The following ASCC3 variants were observed in gnomAD, a reference collection of about 807,000 sequenced individuals.
ASCC3 encodes the protein activating signal cointegrator 1 complex subunit 3.
ASCC3 carries 158 observed loss-of-function variants against 256.3 expected under a neutral mutation model. The observed-to-expected ratio is 0.62, with a 90% confidence interval of 0.54 to 0.70. The LOEUF (loss-of-function observed/expected upper bound fraction) is 0.70. ASCC3 is among the 30% of genes least tolerant of loss of function. The pLI, the probability that ASCC3 is intolerant of heterozygous loss-of-function variation, is 0.00. For synonymous variants in ASCC3, 948 were observed against 883.4 expected (o/e 1.07, Z -1.30); for missense variants, 2,259 against 2,626.0 (o/e 0.86, Z 3.05).
In ASCC3 at chr6:100,822,610, A is replaced by AGTG. The variant is rs556460984; in HGVS notation, c.802-16733_802-16731dup. 4.6e-5 allele frequency among the ~76,000 whole-genome samples: 7 copies of AGTG among 152,058 alleles called. No individual in the cohort carries two copies. In the South Asian group the frequency reaches 1.5e-3, roughly 32 times the overall value. On this transcript the variant is annotated intron_variant, in intron 4 of 41. Coordinates refer to ENST00000369162, the MANE Select transcript of ASCC3 (RefSeq NM_006828.4). ...TGAATGAGTGTCTTGAATTGCTGTG[A>AGTG]GTGAGATACAACCTCTGTGCTTAAG...
At chr6:100,628,657 C>T (rs1774376622) in intron 27 of ASCC3, among the ~76,000 whole-genome samples, 1 of 152,128 alleles carries the variant, frequency 6.6e-6, no homozygotes, top group South Asian at 2.1e-4. Context: ...TGATTGAAAG[C>T]TTCCTGAGGC....
Position 100,723,830 on chromosome 6 carries a change from G to A in ASCC3, c.1902+1709C>T, listed in dbSNP as rs192326410. 4.9e-3 allele frequency among the ~76,000 whole-genome samples: 686 copies of A among 140,032 alleles called. 9 individuals carry two copies. The highest frequency in any genetic ancestry group is 0.018 in the African/African-American group (666 of 38,036). The allele number at this position is 140,032 out of a possible 152,430, so 91.9% of individuals were successfully genotyped here. Reference sequence around the variant, plus strand: ...TATCAGAGTAGAAATATACAACTGGGTTTGGATATGGCCAGAAGTTATTAG... The same window carrying A: ...TATCAGAGTAGAAATATACAACTGGATTTGGATATGGCCAGAAGTTATTAG... On this transcript the variant is annotated intron_variant, in intron 11 of 41. Coordinates refer to ENST00000369162, the MANE Select transcript of ASCC3 (RefSeq NM_006828.4).
intron 5 of ASCC3, among the ~76,000 whole-genome samples, chr6:100,803,349 T>C (rs926209164): frequency 2.0e-4 from 30 of 152,198 alleles, no homozygotes; most frequent in Admixed American, 1.9e-3. Context: ...CTAGTGATAG[T>C]GATTGAGTTC....
chr6:100,782,586 A>G (rs1330996700), intron 8 of ASCC3, among the ~76,000 whole-genome samples: 5 of 152,174 alleles, frequency 3.3e-5, no homozygotes, highest in Non-Finnish European at 7.4e-5. Context: ...CATGTGCAAA[A>G]TTGTGTATGC....
intron 39 of ASCC3, among the ~76,000 whole-genome samples, chr6:100,514,159 T>C (rs1773908145): frequency 1.3e-5 from 2 of 152,118 alleles, no homozygotes; most frequent in Non-Finnish European, 2.9e-5. Flanking sequence ...CTATAACTTG[T>C]CTTATCAATC....
intron 33 of ASCC3, among the ~76,000 whole-genome samples, chr6:100,604,680 A>G (rs1438773873): frequency 6.6e-6 from 1 of 151,936 alleles, no homozygotes; most frequent in Non-Finnish European, 1.5e-5. Flanking sequence ...TCCTGGCCTC[A>G]AGCAATTCTG....
intron 10 of ASCC3, among the ~76,000 whole-genome samples, chr6:100,761,504 A>T (rs1437233576): frequency 2.6e-5 from 4 of 152,266 alleles, no homozygotes; most frequent in Admixed American, 1.3e-4. Flanking sequence ...ATAAAAATAT[A>T]AAAAACGAAG....
intron 10 of ASCC3, among the ~76,000 whole-genome samples, chr6:100,763,871 T>C (rs765753102): frequency 5.9e-5 from 9 of 152,252 alleles, no homozygotes; most frequent in Non-Finnish European, 4.4e-5. Flanking sequence ...CCCCTAGCCA[T>C]GGTCTCAGGC....
At chr6:100,530,205 A>T in intron 37 of ASCC3, 1 of 700,638 alleles carries the variant, frequency 1.4e-6, no homozygotes, top group Admixed American at 2.3e-5. Flanking sequence ...TTTTTCTTGT[A>T]GTCTTTAAGA....
intron 19 of ASCC3, among the ~76,000 whole-genome samples, chr6:100,651,122 G>A (rs1485924080): frequency 7.0e-6 from 1 of 143,386 alleles, no homozygotes; most frequent in African/African-American, 2.5e-5. Flanking sequence ...ATTTTTATAT[G>A]GTATAATACA....
intron 36 of ASCC3, among the ~76,000 whole-genome samples, chr6:100,558,082 AAAC>A (rs1489073587): frequency 6.6e-6 from 1 of 151,816 alleles, no homozygotes; most frequent in Non-Finnish European, 1.5e-5. Flanking sequence ...AAAAAAAAAA[AAAC>A]AAGGACAGGA....
chr6:100,509,346 A>C lies in ASCC3; in HGVS notation c.*40T>G, dbSNP rs557016052. 6.2e-7 allele frequency: 1 copy of C among 1,612,460 alleles called. No homozygotes were observed. The highest frequency in any genetic ancestry group is 1.1e-5 in the South Asian group (1 of 91,056). On this transcript the variant is annotated 3_prime_UTR_variant, in exon 42 of 42. Transcript: ENST00000369162. ...TTGTCTAGATGACTGAACAGAGAGAATTCTTAGCCACTCCTTTCAAATGGA... is the reference window on the plus strand; with the variant it reads ...TTGTCTAGATGACTGAACAGAGAGACTTCTTAGCCACTCCTTTCAAATGGA...
intron 11 of ASCC3, among the ~76,000 whole-genome samples, chr6:100,722,050 T>C (rs946958953): frequency 6.6e-6 from 1 of 151,960 alleles, no homozygotes; most frequent in African/African-American, 2.4e-5. Flanking sequence ...CTTCTGCATA[T>C]GGCTAACCAG....
chr6:100,819,146 C>T (rs1389756407), intron 4 of ASCC3, among the ~76,000 whole-genome samples: 2 of 150,262 alleles, frequency 1.3e-5, no homozygotes, highest in East Asian at 3.9e-4. Flanking sequence ...CGGGGAACAT[C>T]ACACATGGGA....
chr6:100,567,467 C>G (rs1770327508), intron 36 of ASCC3, among the ~76,000 whole-genome samples: 1 of 152,032 alleles, frequency 6.6e-6, no homozygotes, highest in African/African-American at 2.4e-5. Context: ...CGTTTGTTAC[C>G]TGGTATACTG....
At position 100,544,516 on chromosome 6, in the gene ASCC3, A is replaced by C. The variant is rs80082396; in HGVS notation, c.5551-4129T>G. On this transcript the variant is annotated intron_variant, in intron 36 of 41. Transcript: ENST00000369162. ...AGGTTTTACAGATACTAAAATAATAATTAAAAAATAATATGAACAGCTTTA... is the reference window on the plus strand; with the variant it reads ...AGGTTTTACAGATACTAAAATAATACTTAAAAAATAATATGAACAGCTTTA... Among the ~76,000 whole-genome samples, 14 of 152,192 alleles carry C rather than the reference A, an allele frequency of 9.2e-5. No homozygotes were observed. The East Asian group carries it at 2.7e-3, about 29-fold the overall frequency.
intron 8 of ASCC3, among the ~76,000 whole-genome samples, chr6:100,774,608 A>T (rs1782100483): frequency 6.6e-6 from 1 of 151,994 alleles, no homozygotes; most frequent in Non-Finnish European, 1.5e-5. Context: ...CTCGTGATCC[A>T]CCCAGCTTGG....
chr6:100,601,048 T>G (rs1364059663), intron 34 of ASCC3, among the ~76,000 whole-genome samples: 1 of 152,036 alleles, frequency 6.6e-6, no homozygotes, highest in East Asian at 1.9e-4. Context: ...CTCTAAATGC[T>G]TATGACTCTT....
chr6:100,852,374 G>A (rs1772725072), intron 3 of ASCC3, among the ~76,000 whole-genome samples: 2 of 152,066 alleles, frequency 1.3e-5, no homozygotes, highest in African/African-American at 4.8e-5. Context: ...CAACGCGTGT[G>A]GTACACTTCT....
Sources: gnomAD v4.1 joint callset for allele counts (sites outside exome capture counted in the v4.1 genomes callset) on GRCh38, gnomAD v4.1.1 for gene constraint, MANE v1.5 for transcripts, NCBI Gene and HGNC (gene_info 2026-07-23, HGNC 2026-07-21) for gene names.